Variants in NTAQ1 observed in about 807,000 individuals in gnomAD.
NTAQ1 encodes N-terminal glutamine amidase 1, also known as protein N-terminal glutamine amidohydrolase.
Under a neutral mutation model 28.2 loss-of-function variants are expected in NTAQ1, and 21 were observed. The observed-to-expected ratio is 0.74, with a 90% CI of 0.53 to 1.07. The LOEUF (loss-of-function observed/expected upper bound fraction) is 1.07, where lower values mean the gene tolerates loss of function less well. Ranked by LOEUF, NTAQ1 falls within the 50% of genes least tolerant of loss-of-function variation. NTAQ1 has a pLI of 0.00. For missense variants in NTAQ1, 264 were observed against 256.6 expected (o/e 1.03, Z -0.20); for synonymous variants, 105 against 90.0 (o/e 1.17, Z -0.94).
At position 123,416,915 on chromosome 8, in the gene NTAQ1, C is replaced by G; in HGVS notation, c.66C>G (p.Val22=). 3 of 1,516,522 alleles carry G rather than the reference C, an allele frequency of 2.0e-6. No homozygotes were observed. The highest frequency in any genetic ancestry group is 2.6e-6 in the Non-Finnish European group (3 of 1,132,954). 93.9% of individuals were successfully genotyped at this position (1,516,522 alleles called of 1,614,324 possible). A position where few individuals can be genotyped will look rare whatever the true frequency, so the allele number is the denominator to read the frequency against. The change falls in exon 1 of 6, where the codon GTC becomes GTG. Residue 22 remains valine (V), a synonymous_variant. Transcript: ENST00000287387. ...QPASPPRDAC[V]YSSCYCEENI... is the part of the protein sequence containing the mutation. ...CCAGCCCCCCGCGGGACGCCTGCGT[C>G]TACAGCAGCTGCTACTGGTGAGGGG... is the stretch of plus-strand genomic sequence containing the variant.
chr8:123,471,221 A>G (rs572593351), downstream of NTAQ1, among the ~76,000 whole-genome samples: 3 of 152,154 alleles, frequency 2.0e-5, no homozygotes, highest in East Asian at 5.8e-4. Flanking sequence ...GTGAGCCACC[A>G]TGCCTTGCCT....
intron 6 of NTAQ1, among the ~76,000 whole-genome samples, chr8:123,465,222 A>C (rs1815932721): frequency 6.6e-6 from 1 of 152,232 alleles, no homozygotes; most frequent in South Asian, 2.1e-4. Flanking sequence ...CAAAACTAGG[A>C]AATTGACATT....
chr8:123,460,086 C>T (rs942530209), intron 6 of NTAQ1, among the ~76,000 whole-genome samples: 2 of 152,126 alleles, frequency 1.3e-5, no homozygotes, highest in African/African-American at 4.8e-5. Flanking sequence ...AGGCATGAGC[C>T]ACTGCGCCCA....
At chr8:123,452,954 C>T (rs1011243590), downstream of NTAQ1, among the ~76,000 whole-genome samples, 1 of 152,098 alleles carries the variant, frequency 6.6e-6, no homozygotes, top group Non-Finnish European at 1.5e-5. Context: ...CAAGGGAGCA[C>T]TCATAGCAGA....
At chr8:123,450,957 T>G (rs1278971330), downstream of NTAQ1, among the ~76,000 whole-genome samples, 1 of 152,248 alleles carries the variant, frequency 6.6e-6, no homozygotes, top group Non-Finnish European at 1.5e-5. Context: ...AGCATGTCCT[T>G]AAGCTAAATA....
chr8:123,444,476 AG>A (rs1297375432), downstream of NTAQ1, among the ~76,000 whole-genome samples: 1 of 152,206 alleles, frequency 6.6e-6, no homozygotes, highest in Non-Finnish European at 1.5e-5. Flanking sequence ...CTGGGATTAC[AG>A]GTATGAACCA....
intron 2 of NTAQ1, among the ~76,000 whole-genome samples, 179 bp from the exon 3 acceptor site, chr8:123,429,804 C>T (rs373132967): frequency 4.9e-5 from 7 of 142,066 alleles, no homozygotes; most frequent in African/African-American, 7.9e-5. Flanking sequence ...TGCTTGAACC[C>T]GGGAGGTGGA....
At chr8:123,439,677 A>G (rs1166842746) in intron 5 of NTAQ1, among the ~76,000 whole-genome samples, 10 of 151,920 alleles carry the variant, frequency 6.6e-5, no homozygotes, top group Admixed American at 4.6e-4. Flanking sequence ...TTTAGTAGAC[A>G]TGAGGTTTTG....
intron 1 of NTAQ1, among the ~76,000 whole-genome samples, chr8:123,420,211 C>T (rs1230591382): frequency 2.0e-5 from 3 of 152,104 alleles, no homozygotes; most frequent in Non-Finnish European, 4.4e-5. Flanking sequence ...TATTGGCCTC[C>T]AGCTCCATCC....
At chr8:123,417,862 G>A (rs1813399660) in intron 1 of NTAQ1, among the ~76,000 whole-genome samples, 2 of 152,128 alleles carry the variant, frequency 1.3e-5, no homozygotes, top group South Asian at 4.1e-4. Context: ...GAGCCACAGA[G>A]AGGCTGTTCT....
At chr8:123,451,149 T>A (rs561749137), downstream of NTAQ1, among the ~76,000 whole-genome samples, 1 of 152,212 alleles carries the variant, frequency 6.6e-6, no homozygotes, top group African/African-American at 2.4e-5. Context: ...GATCTGACCC[T>A]TTTTTTCTCC....
chr8:123,437,645 G>T lies in NTAQ1; in HGVS notation c.508+311G>T, dbSNP rs557029649. ...GCGAACCTGGGAGGCAGAGCTTGCA[G>T]TGAGCTGAGATCGGGCCACTGCATT... On this transcript the variant is annotated intron_variant, in intron 5 of 5. Transcript: ENST00000287387. Among the ~76,000 whole-genome samples, 4 of 151,262 alleles carry T rather than the reference G, an allele frequency of 2.6e-5. No individual in the cohort carries two copies. The East Asian group carries it at 7.8e-4, about 29-fold the overall frequency.
downstream of NTAQ1, among the ~76,000 whole-genome samples, chr8:123,447,003 T>C (rs547313716): frequency 2.3e-4 from 35 of 150,998 alleles, no homozygotes; most frequent in Non-Finnish European, 5.0e-4. Context: ...TGTTATCATC[T>C]GTGCCCTGTT....
chr8:123,458,855 C>T (rs770231925), intron 6 of NTAQ1, among the ~76,000 whole-genome samples: 3 of 151,976 alleles, frequency 2.0e-5, no homozygotes, highest in South Asian at 4.2e-4. Context: ...CTCCTGACCT[C>T]GTGATCCACC....
intron 3 of NTAQ1, among the ~76,000 whole-genome samples, chr8:123,436,169 CAAAAA>C (rs34240319): frequency 1.0e-4 from 9 of 85,958 alleles, no homozygotes; most frequent in South Asian, 4.2e-4. Context: ...GACTCCATCT[CAAAAA>C]AAAAAAAAAA....
chr8:123,471,296 T>C (rs1350094887), downstream of NTAQ1, among the ~76,000 whole-genome samples: 1 of 152,146 alleles, frequency 6.6e-6, no homozygotes, highest in East Asian at 1.9e-4. Context: ...CACTGTGACC[T>C]CATCTCAAAT....
chr8:123,431,024 C>T (rs567557541), intron 3 of NTAQ1, among the ~76,000 whole-genome samples: 1 of 152,062 alleles, frequency 6.6e-6, no homozygotes, highest in African/African-American at 2.4e-5. Context: ...TACATGTCAC[C>T]TTAACCCATT....
Position 123,430,105 on chromosome 8 carries a change from A to G in NTAQ1, c.234+72A>G, listed in dbSNP as rs1291247690. ...CCCTTAGTGTTCTGTATGTTTTGGT[A>G]AAGCAGAAGTGACCTAAGCAGTAGA... is the stretch of plus-strand genomic sequence containing the variant. On this transcript the variant is annotated intron_variant, in intron 3 of 5. Transcript: ENST00000287387. 3.2e-6 allele frequency: 4 copies of G among 1,246,648 alleles called. No homozygotes were observed. In the South Asian group the frequency reaches 4.0e-5, roughly 12 times the overall value. The allele number at this position is 1,246,648 out of a possible 1,614,324, so 77.2% of individuals were successfully genotyped here.
chr8:123,442,747 T>C (rs1203736695), downstream of NTAQ1, among the ~76,000 whole-genome samples: 33 of 143,822 alleles, frequency 2.3e-4, no homozygotes, highest in Middle Eastern at 4.3e-3. Flanking sequence ...CGGCTCACTG[T>C]AACCTCCACT....
Sources: gnomAD v4.1 joint callset for allele counts (sites outside exome capture counted in the v4.1 genomes callset) on GRCh38, gnomAD v4.1.1 for gene constraint, MANE v1.5 for transcripts, NCBI Gene and HGNC (gene_info 2026-07-23, HGNC 2026-07-21) for gene names.